The following SYT1 variants were observed in gnomAD, a reference collection of about 807,000 sequenced individuals.
The protein encoded by SYT1 is synaptotagmin 1, also known as synaptotagmin-1.
In SYT1, 8 loss-of-function variants were observed where a neutral mutation model predicts 44.8. The observed-to-expected ratio is 0.18, with a 90% CI of 0.10 to 0.32. SYT1 has a LOEUF of 0.32. Among genes scored for constraint, SYT1 ranks in the 10% least tolerant of loss-of-function variants. The pLI, the probability that SYT1 is intolerant of heterozygous loss-of-function variation, is 1.00. For missense variants in SYT1, 286 were observed against 509.3 expected, an observed-to-expected ratio of 0.56 and a Z score of 4.22; for synonymous variants, 154 against 188.8, an observed-to-expected ratio of 0.82 and a Z score of 1.51.
intron 3 of SYT1, among the ~76,000 whole-genome samples, chr12:79,157,621 A>G (rs1870681380): frequency 6.6e-6 from 1 of 152,162 alleles, no homozygotes; most frequent in Admixed American, 6.5e-5. Context: ...GGAGTATTGG[A>G]CAAATGTCAG....
intron 1 of SYT1, among the ~76,000 whole-genome samples, chr12:78,939,313 G>A (rs138765918): frequency 2.3e-3 from 351 of 152,208 alleles, no homozygotes; most frequent in Admixed American, 6.5e-3. Flanking sequence ...TTTTGAACTT[G>A]CAAAGTAAGC....
chr12:79,158,406 C>T (rs61927307), intron 3 of SYT1, among the ~76,000 whole-genome samples: 9,816 of 152,002 alleles, frequency 0.065, 357 homozygotes, highest in African/African-American at 0.094. Context: ...GTAATGTGAG[C>T]GATGAAGAGG....
In SYT1 at chr12:79,199,638, T is replaced by C. The variant is rs181631893; in HGVS notation, c.-17-17865T>C. Reference sequence around the variant, plus strand: ...GCCTGCTTCTGACACCAGAGAAAAATGAAAAATCACGAGCAAATTCACCTA... The same window carrying C: ...GCCTGCTTCTGACACCAGAGAAAAACGAAAAATCACGAGCAAATTCACCTA... On this transcript the variant is annotated intron_variant, in intron 3 of 10. Coordinates refer to ENST00000261205, the MANE Select transcript of SYT1 (RefSeq NM_005639.3). Among the ~76,000 whole-genome samples the C allele has an allele frequency of 2.9e-3, 440 of 152,124 alleles. 3 individuals are homozygous for C. The highest frequency in any genetic ancestry group is 1.0e-2 in the African/African-American group (414 of 41,512).
At chr12:79,129,232 T>C (rs1868647958) in intron 3 of SYT1, among the ~76,000 whole-genome samples, 1 of 152,344 alleles carries the variant, frequency 6.6e-6, no homozygotes, top group African/African-American at 2.4e-5. Context: ...ATTTTAGCAA[T>C]GTATAAATTC....
intron 3 of SYT1, among the ~76,000 whole-genome samples, chr12:79,107,227 T>C (rs945436494): frequency 1.3e-5 from 2 of 152,114 alleles, no homozygotes; most frequent in Admixed American, 6.5e-5. Flanking sequence ...TTTTATTTTT[T>C]ATCCAAGAAC....
chr12:79,112,051 G>T (rs1879043328), intron 3 of SYT1, among the ~76,000 whole-genome samples: 1 of 151,312 alleles, frequency 6.6e-6, no homozygotes, highest in Non-Finnish European at 1.5e-5. Context: ...ACAAAGAACT[G>T]CAATTCAAAG....
intron 3 of SYT1, among the ~76,000 whole-genome samples, chr12:79,123,563 A>G (rs1868320422): frequency 6.6e-6 from 1 of 152,162 alleles, no homozygotes. Context: ...CTTGTATTGA[A>G]AGCAGTTTGT....
At chr12:79,090,799 G>A (rs896687442) in intron 3 of SYT1, among the ~76,000 whole-genome samples, 6 of 151,980 alleles carry the variant, frequency 3.9e-5, no homozygotes, top group Middle Eastern at 3.2e-3. Context: ...AAGGGTAAGG[G>A]GAAGAATGCA....
chr12:79,231,000 C>A (rs1875836053), intron 4 of SYT1, among the ~76,000 whole-genome samples: 1 of 152,172 alleles, frequency 6.6e-6, no homozygotes, highest in African/African-American at 2.4e-5. Flanking sequence ...TACATTTTCA[C>A]TAAGCAAAGC....
At chr12:78,941,074 T>TC (rs1421735455) in intron 1 of SYT1, among the ~76,000 whole-genome samples, 12 of 126,508 alleles carry the variant, frequency 9.5e-5, no homozygotes, top group Admixed American at 1.6e-4. Flanking sequence ...TCTTTTTTTT[T>TC]TTTTTTTTTG....
rs572059865 is a variant in SYT1 at position 79,290,921 on chromosome 12, A to G, written c.352-1087A>G. Reference sequence around the variant, plus strand: ...TTGTAATCTTTTCAACCTCAGGAAAATGTAATTTTGTATTTTTTTAATTTT... The same window carrying G: ...TTGTAATCTTTTCAACCTCAGGAAAGTGTAATTTTGTATTTTTTTAATTTT... On this transcript the variant is annotated intron_variant, in intron 5 of 10. Coordinates refer to ENST00000261205, the MANE Select transcript of SYT1 (RefSeq NM_005639.3). Among the ~76,000 whole-genome samples, 58 of 152,316 alleles carry G rather than the reference A, an allele frequency of 3.8e-4. 1 individual carries two copies. In the Middle Eastern group the frequency reaches 0.01, roughly 27 times the overall value.
At chr12:79,061,086 G>A (rs1875348467) in intron 3 of SYT1, among the ~76,000 whole-genome samples, 1 of 152,024 alleles carries the variant, frequency 6.6e-6, no homozygotes, top group East Asian at 1.9e-4. Context: ...AATAGGGAAG[G>A]GAGCATTGAT....
chr12:79,419,109 T>C (rs1282331605), intron 9 of SYT1: 11 of 373,164 alleles, frequency 2.9e-5, no homozygotes, highest in Non-Finnish European at 5.8e-5. Flanking sequence ...GTCTTACTTA[T>C]TTTAGGCAAA....
intron 1 of SYT1, among the ~76,000 whole-genome samples, chr12:78,885,241 A>T (rs1227357618): frequency 1.3e-5 from 2 of 150,338 alleles, no homozygotes; most frequent in African/African-American, 4.9e-5. Flanking sequence ...GCAGGAAGGG[A>T]AGAGTGAGAA....
At position 79,124,530 on chromosome 12, in the gene SYT1, C is replaced by CCAT. The variant is rs201152754; in HGVS notation, c.-18+77183_-18+77185dup. ...AATAAATAACAGGGTATTACTCTCACCATCATCATCATCATCACCATTGCC... is the reference window on the plus strand; with the variant it reads ...AATAAATAACAGGGTATTACTCTCACCATCATCATCATCATCATCACCATTGCC... On this transcript the variant is annotated intron_variant, in intron 3 of 10. Transcript: ENST00000261205. Among the ~76,000 whole-genome samples the CCAT allele has an allele frequency of 5.3e-5, 8 of 151,984 alleles. No homozygotes were observed. The South Asian group carries it at 1.2e-3, about 24-fold the overall frequency.
intron 3 of SYT1, among the ~76,000 whole-genome samples, chr12:79,210,074 T>A (rs1874349725): frequency 6.6e-6 from 1 of 152,204 alleles, no homozygotes; most frequent in Non-Finnish European, 1.5e-5. Context: ...TATAGTAGAC[T>A]ATCTTACTAT....
intron 3 of SYT1, among the ~76,000 whole-genome samples, chr12:79,066,814 G>A (rs1875897835): frequency 6.6e-6 from 1 of 152,062 alleles, no homozygotes; most frequent in Non-Finnish European, 1.5e-5. Flanking sequence ...GGTCTAGTTG[G>A]TTCCCCTTGC....
intron 1 of SYT1, among the ~76,000 whole-genome samples, chr12:78,914,323 C>T (rs1278075805): frequency 2.6e-5 from 4 of 151,794 alleles, no homozygotes; most frequent in Admixed American, 6.6e-5. Flanking sequence ...GAGTGAGGTG[C>T]ATAACTGGGA....
At chr12:79,362,995 T>C in intron 9 of SYT1, among the ~76,000 whole-genome samples, 1 of 152,192 alleles carries the variant, frequency 6.6e-6, no homozygotes, top group South Asian at 2.1e-4. Context: ...TGTTGTCTTG[T>C]AGGAACCCCT....
Sources: allele counts gnomAD v4.1 joint callset (sites outside exome capture counted in the v4.1 genomes callset), GRCh38; gene constraint gnomAD v4.1.1; transcripts MANE v1.5; gene names NCBI Gene and HGNC (gene_info 2026-07-23, HGNC 2026-07-21).